Variants in ST18 observed in about 807,000 individuals in gnomAD.
ST18 encodes the protein ST18 C2H2C-type zinc finger transcription factor, also known as suppression of tumorigenicity 18 protein.
Under a neutral mutation model 110.0 loss-of-function variants are expected in ST18, and 50 were observed. The observed-to-expected ratio is 0.45, with a 90% CI of 0.36 to 0.58. The LOEUF (loss-of-function observed/expected upper bound fraction) is 0.58. Among genes scored for constraint, ST18 ranks in the 20% least tolerant of loss-of-function variants. The probability of loss-of-function intolerance (pLI) is 0.00; values close to 1 mark genes in which losing one functional copy is unlikely to be tolerated. For synonymous variants in ST18, 461 were observed against 452.4 expected, an observed-to-expected ratio of 1.02 and a Z score of -0.24; for missense variants, 1,306 against 1,280.1, an observed-to-expected ratio of 1.02 and a Z score of -0.31.
intron 10 of ST18, among the ~76,000 whole-genome samples, chr8:52,170,272 A>G (rs2064370411): frequency 6.6e-6 from 1 of 152,164 alleles, no homozygotes; most frequent in Non-Finnish European, 1.5e-5. Context: ...CCCGGCCAAC[A>G]CGGGGAAACC....
intron 8 of ST18, among the ~76,000 whole-genome samples, chr8:52,203,681 T>C (rs2078871405): frequency 6.6e-6 from 1 of 152,176 alleles, no homozygotes; most frequent in Non-Finnish European, 1.5e-5. Flanking sequence ...TTCTGCCTGA[T>C]GATTAAAGTT....
intron 2 of ST18, among the ~76,000 whole-genome samples, chr8:52,359,266 A>T (rs1824585041): frequency 6.6e-6 from 1 of 152,082 alleles, no homozygotes; most frequent in Non-Finnish European, 1.5e-5. Context: ...AAGCAACTAA[A>T]TAGAGGTGAT....
chr8:52,127,909 G>A (rs2047693350), intron 22 of ST18, among the ~76,000 whole-genome samples: 1 of 151,892 alleles, frequency 6.6e-6, no homozygotes, highest in African/African-American at 2.4e-5. Flanking sequence ...ATACTGGAAA[G>A]GCAGAAAAAA....
chr8:52,358,278 C>T (rs924742801), intron 2 of ST18, among the ~76,000 whole-genome samples: 18 of 151,856 alleles, frequency 1.2e-4, no homozygotes, highest in African/African-American at 3.4e-4. Context: ...TAATATCCAC[C>T]TTTACACATT....
intron 23 of ST18, 94 bp from the exon 24 acceptor site, chr8:52,118,535 A>C (rs1173985369): frequency 1.5e-6 from 1 of 677,618 alleles, no homozygotes; most frequent in Non-Finnish European, 2.4e-6. Flanking sequence ...TGAAAATGAG[A>C]CTTTCATTTA....
Position 52,331,906 on chromosome 8 carries a change from G to A in ST18, c.-465+77422C>T, listed in dbSNP as rs148544248. Among the ~76,000 whole-genome samples the A allele has an allele frequency of 5.3e-4, 81 of 152,158 alleles. No individual in the cohort carries two copies. In the East Asian group the frequency reaches 0.012, roughly 22 times the overall value. ...TGGGGTTTTGGAGGAGAGAATGAAG[G>A]ACTCCTCTTCTCACATTCTGCCATC... On this transcript the variant is annotated intron_variant, in intron 2 of 25. Transcript: ENST00000689386.
At chr8:52,396,693 G>T (rs762519127) in intron 2 of ST18, among the ~76,000 whole-genome samples, 18 of 152,076 alleles carry the variant, frequency 1.2e-4, no homozygotes, top group Non-Finnish European at 2.4e-4. Flanking sequence ...AAAACCATCA[G>T]ATCTCATGAG....
At chr8:52,219,998 C>A (rs1420853354) in intron 5 of ST18, among the ~76,000 whole-genome samples, 1 of 152,140 alleles carries the variant, frequency 6.6e-6, no homozygotes, top group South Asian at 2.1e-4. Context: ...CTTAGGTAAC[C>A]AATTTGTGCC....
intron 8 of ST18, among the ~76,000 whole-genome samples, chr8:52,211,820 G>C (rs892164747): frequency 2.0e-5 from 3 of 152,140 alleles, no homozygotes; most frequent in African/African-American, 7.2e-5. Context: ...GCTTGATGAA[G>C]AAAAGTGGGC....
intron 2 of ST18, chr8:52,407,517 G>A (rs1844941313): frequency 6.6e-6 from 1 of 152,116 alleles, no homozygotes; most frequent in South Asian, 2.1e-4. Context: ...ACTAATACTA[G>A]ACTTCACATA....
intron 24 of ST18, among the ~76,000 whole-genome samples, 172 bp downstream of exon 24, chr8:52,118,166 C>A (rs1353015071): frequency 1.3e-5 from 2 of 152,096 alleles, no homozygotes; most frequent in Non-Finnish European, 2.9e-5. Flanking sequence ...TAAATGGTAA[C>A]CTGGGATGAT....
chr8:52,256,846 C>T (rs960078792), intron 2 of ST18, among the ~76,000 whole-genome samples: 2 of 152,092 alleles, frequency 1.3e-5, no homozygotes, highest in Non-Finnish European at 2.9e-5. Context: ...TAAATAACTT[C>T]TAATATATTC....
At chr8:52,155,292 T>G (rs1351921909) in intron 15 of ST18, among the ~76,000 whole-genome samples, 1 of 152,122 alleles carries the variant, frequency 6.6e-6, no homozygotes, top group Non-Finnish European at 1.5e-5. Flanking sequence ...GCACTGATAG[T>G]GTTAATTGTT....
chr8:52,179,080 T>G (rs2068257167), intron 9 of ST18, among the ~76,000 whole-genome samples: 1 of 152,248 alleles, frequency 6.6e-6, no homozygotes, highest in African/African-American at 2.4e-5. Context: ...TTAGTATATT[T>G]TGATTCCTTT....
chr8:52,202,015 T>G (rs963167766), intron 8 of ST18, among the ~76,000 whole-genome samples: 1 of 152,186 alleles, frequency 6.6e-6, no homozygotes, highest in African/African-American at 2.4e-5. Flanking sequence ...GATTCGTAGT[T>G]GAGGGGCCAA....
At chr8:52,144,037 T>C (rs1223089171) in intron 16 of ST18, among the ~76,000 whole-genome samples, 2 of 152,194 alleles carry the variant, frequency 1.3e-5, no homozygotes, top group Non-Finnish European at 2.9e-5. Flanking sequence ...TGGATATTCC[T>C]AATTTTCATG....
intron 10 of ST18, among the ~76,000 whole-genome samples, chr8:52,170,473 A>AATAC (rs1211394063): frequency 6.6e-6 from 1 of 151,216 alleles, no homozygotes; most frequent in Non-Finnish European, 1.5e-5. Context: ...TAAATAAATA[A>AATAC]ATAAATAAAT....
chr8:52,142,967 T>C lies in ST18; in HGVS notation c.2131A>G (p.Lys711Glu). The change falls in exon 17 of 26, where the codon AAG becomes GAG. Residue 711 changes from lysine to glutamate, a missense_variant. By Grantham distance (56) the Lys-to-Glu change is moderately conservative. Transcript: ENST00000689386. ...GEASIPSPKP[K>E]LHARDLKKEL... is the part of the protein sequence containing the mutation. ...TTTTTGAGATCTCTTGCATGAAGCT[T>C]GGGTTTAGGGCTTGGTATAGAGGCC... is the stretch of plus-strand genomic sequence containing the variant. 1 of 1,614,132 alleles carries C rather than the reference T, an allele frequency of 6.2e-7. No homozygotes were observed. The highest frequency in any genetic ancestry group is 8.5e-7 in the Non-Finnish European group (1 of 1,180,002).
chr8:52,192,853 G>C (rs2075009419), intron 8 of ST18, among the ~76,000 whole-genome samples: 1 of 152,172 alleles, frequency 6.6e-6, no homozygotes, highest in Non-Finnish European at 1.5e-5. Context: ...TTTGAGCTCA[G>C]ACTCCTTTTC....
Sources: gnomAD v4.1 joint callset for allele counts (sites outside exome capture counted in the v4.1 genomes callset) on GRCh38, gnomAD v4.1.1 for gene constraint, MANE v1.5 for transcripts, NCBI Gene and HGNC (gene_info 2026-07-23, HGNC 2026-07-21) for gene names.